Variants in PCDHGA6 observed in about 807,000 individuals in gnomAD.
PCDHGA6 encodes the protein protocadherin gamma-A6.
In PCDHGA6, 41 loss-of-function variants were observed where a neutral mutation model predicts 60.6. The observed-to-expected ratio is 0.68, with a 90% CI of 0.53 to 0.88. The LOEUF (loss-of-function observed/expected upper bound fraction) is 0.88. Ranked by LOEUF, PCDHGA6 falls within the 40% of genes least tolerant of loss-of-function variation. The pLI is 0.00. For synonymous variants in PCDHGA6, 594 were observed against 524.4 expected (o/e 1.13, Z -1.81); for missense variants, 1,312 against 1,203.0 (o/e 1.09, Z -1.34).
chr5:141,446,423 T>C (rs745968692), intron 1 of PCDHGA6, among the ~76,000 whole-genome samples: 1 of 152,152 alleles, frequency 6.6e-6, no homozygotes, highest in Non-Finnish European at 1.5e-5. Context: ...CATGTTCATT[T>C]GAAGGATCTG....
chr5:141,429,073 C>CTCGATT (rs1202357717), intron 1 of PCDHGA6: 1 of 152,116 alleles, frequency 6.6e-6, no homozygotes, highest in African/African-American at 2.4e-5. Context: ...CCAGGATGGT[C>CTCGATT]TCGATTTCCT....
chr5:141,394,826 C>G, intron 1 of PCDHGA6: 1 of 1,613,882 alleles, frequency 6.2e-7, no homozygotes, highest in Non-Finnish European at 8.5e-7. Context: ...TCCCCGAAGT[C>G]CTGACCGAGT....
intron 1 of PCDHGA6, chr5:141,409,747 C>T (rs771456718): frequency 1.2e-6 from 2 of 1,612,994 alleles, no homozygotes; most frequent in East Asian, 2.2e-5. Flanking sequence ...GGGTGGTGTT[C>T]GCGCAGCGCG....
chr5:141,388,842 A>G (rs1399936260), intron 1 of PCDHGA6: 1 of 1,614,014 alleles, frequency 6.2e-7, no homozygotes, highest in Non-Finnish European at 8.5e-7. Flanking sequence ...TTTGGAAGCA[A>G]GGGACGGTGG....
intron 1 of PCDHGA6, among the ~76,000 whole-genome samples, chr5:141,449,290 G>A (rs1255760925): frequency 1.3e-5 from 2 of 151,934 alleles, no homozygotes; most frequent in Admixed American, 6.6e-5. Context: ...CGGATGCACC[G>A]GGTGAATTAT....
intron 1 of PCDHGA6, among the ~76,000 whole-genome samples, chr5:141,463,460 T>TTTC (rs1554144872): frequency 7.4e-6 from 1 of 136,038 alleles, no homozygotes; most frequent in South Asian, 2.5e-4. Context: ...TTTTTTTTTT[T>TTTC]TTTTTTGAGA....
chr5:141,479,003 C>T (rs2099485569), intron 1 of PCDHGA6, among the ~76,000 whole-genome samples: 1 of 152,176 alleles, frequency 6.6e-6, no homozygotes, highest in South Asian at 2.1e-4. Context: ...AAACTAATAG[C>T]TTTTTGATAA....
At position 141,489,754 on chromosome 5, in the gene PCDHGA6, C is replaced by G; in HGVS notation, c.2425-5053C>G. 1 of 1,614,110 alleles carries G rather than the reference C, an allele frequency of 6.2e-7. No homozygotes were observed. The highest frequency in any genetic ancestry group is 8.5e-7 in the Non-Finnish European group (1 of 1,179,972). ...CACCAATACTGTGAGCTTTTACACT[C>G]TAAGCCCCAACAGCCACTTCTCTCT... On this transcript the variant is annotated intron_variant, in intron 1 of 3. Coordinates refer to ENST00000517434, the MANE Select transcript of PCDHGA6 (RefSeq NM_018919.3). The surrounding 1 kb of genome is among the most constrained non-coding windows in gnomAD (Gnocchi z 4.5).
chr5:141,422,556 G>T, intron 1 of PCDHGA6: 1 of 1,613,908 alleles, frequency 6.2e-7, no homozygotes, highest in South Asian at 1.1e-5. Context: ...GGCTGAATGT[G>T]GCAGATGACA....
rs561451935 is a variant in PCDHGA6 at position 141,423,179 on chromosome 5, G to A, written c.2424+46672G>A. 21 of 1,613,516 alleles carry A rather than the reference G, an allele frequency of 1.3e-5. No individual in the cohort carries two copies. The South Asian group carries it at 2.1e-4, about 16-fold the overall frequency. ...CTCGTGGTGGCCGTCCAGGACCACG[G>A]CCAGCCCCCTCTCTCGGCCACCGTC... On this transcript the variant is annotated intron_variant, in intron 1 of 3. Transcript: ENST00000517434.
At chr5:141,433,257 G>A (rs764036349) in intron 1 of PCDHGA6, 4 of 1,385,412 alleles carry the variant, frequency 2.9e-6, no homozygotes, top group Non-Finnish European at 4.0e-6. Context: ...GCAGCGGTAC[G>A]ATCATAGCTC....
At chr5:141,389,514 G>C (rs1030106901) in intron 1 of PCDHGA6, 2 of 1,613,132 alleles carry the variant, frequency 1.2e-6, no homozygotes, top group Non-Finnish European at 1.7e-6. Flanking sequence ...CAGCGCGAAC[G>C]TGAGCCTGCG....
intron 1 of PCDHGA6, chr5:141,388,397 A>G (rs375367492): frequency 2.9e-4 from 463 of 1,613,838 alleles, no homozygotes; most frequent in Non-Finnish European, 3.7e-4. Context: ...AGAATTACCA[A>G]CTCAGTCCCA....
intron 1 of PCDHGA6, chr5:141,478,676 G>A (rs540780497): frequency 6.4e-7 from 1 of 1,551,522 alleles, no homozygotes; most frequent in African/African-American, 1.4e-5. Flanking sequence ...CTTTCAACTG[G>A]CCCTTCCTAG....
intron 1 of PCDHGA6, among the ~76,000 whole-genome samples, chr5:141,401,638 TA>T (rs2094176765): frequency 1.3e-5 from 2 of 152,242 alleles, no homozygotes; most frequent in South Asian, 4.1e-4. Context: ...TTTGGAGCTT[TA>T]AATATAAATG....
chr5:141,410,589 A>G (rs2095410065), intron 1 of PCDHGA6: 1 of 1,609,086 alleles, frequency 6.2e-7, no homozygotes, highest in Non-Finnish European at 8.5e-7. Flanking sequence ...GGTGGGGAGG[A>G]TTTGACTTCA....
At position 141,487,760 on chromosome 5, in the gene PCDHGA6, G is replaced by T; in HGVS notation, c.2425-7047G>T. On this transcript the variant is annotated intron_variant, in intron 1 of 3. Transcript: ENST00000517434. The surrounding 1 kb of genome is among the most constrained non-coding windows in gnomAD (Gnocchi z 5.0). Reference sequence around the variant, plus strand: ...TGTAAGAGGTAACTATGTGGTAGACGCTGTGCTTTGTAACTGTTTCGTGAA... The same window carrying T: ...TGTAAGAGGTAACTATGTGGTAGACTCTGTGCTTTGTAACTGTTTCGTGAA... 1 of 1,545,950 alleles carries T rather than the reference G, an allele frequency of 6.5e-7. No individual in the cohort carries two copies. The highest frequency in any genetic ancestry group is 1.4e-5 in the African/African-American group (1 of 73,162).
At chr5:141,385,294 G>C (rs1781091106) in intron 1 of PCDHGA6, 2 of 1,613,150 alleles carry the variant, frequency 1.2e-6, no homozygotes, top group Non-Finnish European at 1.7e-6. Context: ...AGATTTTCAG[G>C]AATGTAAAGA....
intron 1 of PCDHGA6, chr5:141,430,598 T>G: frequency 1.7e-6 from 1 of 598,568 alleles, no homozygotes; most frequent in Non-Finnish European, 2.6e-6. Context: ...TGCACGCGCC[T>G]GAAGCACAAA....
Sources: gnomAD v4.1 joint callset for allele counts (sites outside exome capture counted in the v4.1 genomes callset) on GRCh38, gnomAD v4.1.1 for gene constraint, Gnocchi (gnomAD v3.1) non-coding constraint, MANE v1.5 for transcripts, NCBI Gene and HGNC (gene_info 2026-07-23, HGNC 2026-07-21) for gene names.